PTPRR: variants seen among roughly 807,000 people sequenced by gnomAD.
PTPRR encodes receptor-type tyrosine-protein phosphatase R.
PTPRR carries 38 observed loss-of-function variants against 77.2 expected under a neutral mutation model. The observed-to-expected ratio is 0.49, with a 90% CI of 0.38 to 0.65. The LOEUF is 0.65. Ranked by LOEUF, PTPRR falls within the 30% of genes least tolerant of loss-of-function variation. The pLI is 0.00. For synonymous variants in PTPRR, 299 were observed against 283.1 expected (o/e 1.06, Z -0.57); for missense variants, 744 against 799.2 (o/e 0.93, Z 0.83).
intron 4 of PTPRR, among the ~76,000 whole-genome samples, chr12:70,760,182 C>T (rs1890660563): frequency 6.6e-6 from 1 of 152,132 alleles, no homozygotes; most frequent in Non-Finnish European, 1.5e-5. Context: ...AAATTCAATC[C>T]ATATTTCAAG....
Position 70,638,869 on chromosome 12 carries a change from T to A in PTPRR, c.*315A>T. ...CCTGATGACATTTATTACTGAATAT[T>A]ACATACATACATTCTGTGTGGCAGA... On this transcript the variant is annotated 3_prime_UTR_variant, in exon 14 of 14. Transcript: ENST00000283228. The A allele has an allele frequency of 3.8e-6, 1 of 265,220 alleles. No homozygotes were observed. The highest frequency in any genetic ancestry group is 7.6e-5 in the South Asian group (1 of 13,158). 16.4% of individuals were successfully genotyped at this position (265,220 alleles called of 1,614,324 possible). A position where few individuals can be genotyped will look rare whatever the true frequency, so the allele number is the denominator to read the frequency against.
chr12:70,744,690 T>A (rs1890156445), intron 6 of PTPRR, among the ~76,000 whole-genome samples: 1 of 152,184 alleles, frequency 6.6e-6, no homozygotes, highest in Non-Finnish European at 1.5e-5. Flanking sequence ...GGAAATATAT[T>A]CAAAATTTAT....
intron 13 of PTPRR, among the ~76,000 whole-genome samples, chr12:70,646,520 A>C (rs1471002953): frequency 1.3e-5 from 2 of 152,170 alleles, no homozygotes; most frequent in African/African-American, 4.8e-5. Flanking sequence ...TTAACACCTA[A>C]TTAACTCCAA....
intron 2 of PTPRR, among the ~76,000 whole-genome samples, chr12:70,882,466 C>G (rs1893165709): frequency 6.6e-6 from 1 of 152,100 alleles, no homozygotes; most frequent in East Asian, 1.9e-4. Flanking sequence ...CCTTATCATA[C>G]TAAACACTTT....
chr12:70,848,595 A>G (rs1892523685), intron 2 of PTPRR, among the ~76,000 whole-genome samples: 1 of 152,194 alleles, frequency 6.6e-6, no homozygotes, highest in Non-Finnish European at 1.5e-5. Context: ...AAGTGCTGGG[A>G]TTAGACATGA....
chr12:70,886,238 A>G (rs1893237427), intron 2 of PTPRR, among the ~76,000 whole-genome samples: 1 of 152,242 alleles, frequency 6.6e-6, no homozygotes, highest in African/African-American at 2.4e-5. Flanking sequence ...TTTCTACTTC[A>G]GGACTATTTT....
chr12:70,897,609 G>C (rs1893453824), intron 1 of PTPRR, among the ~76,000 whole-genome samples: 1 of 151,968 alleles, frequency 6.6e-6, no homozygotes, highest in Non-Finnish European at 1.5e-5. Context: ...ATTCCTCAGG[G>C]ATCTAGAACT....
At chr12:70,914,136 A>G (rs1893740576) in intron 1 of PTPRR, among the ~76,000 whole-genome samples, 1 of 152,144 alleles carries the variant, frequency 6.6e-6, no homozygotes, top group Non-Finnish European at 1.5e-5. Flanking sequence ...TAAAAAAAGG[A>G]GCAGAGTATT....
At chr12:70,734,093 T>C (rs1161918960) in intron 6 of PTPRR, among the ~76,000 whole-genome samples, 2 of 152,196 alleles carry the variant, frequency 1.3e-5, no homozygotes, top group Non-Finnish European at 2.9e-5. Flanking sequence ...AAGCAAAGCT[T>C]ATGCTGGGAA....
intron 6 of PTPRR, among the ~76,000 whole-genome samples, chr12:70,738,446 C>T (rs1889945280): frequency 6.6e-6 from 1 of 152,214 alleles, no homozygotes; most frequent in African/African-American, 2.4e-5. Flanking sequence ...GTGTGCCACT[C>T]TTCCTTCCTG....
chr12:70,640,117 A>T (rs1885942227), intron 13 of PTPRR, among the ~76,000 whole-genome samples: 1 of 152,158 alleles, frequency 6.6e-6, no homozygotes, highest in Non-Finnish European at 1.5e-5. Context: ...GCTTCTCATT[A>T]TGTTTTTATA....
chr12:70,809,490 CATT>C (rs1422562947), intron 2 of PTPRR, among the ~76,000 whole-genome samples: 19 of 152,140 alleles, frequency 1.2e-4, no homozygotes, highest in African/African-American at 4.6e-4. Flanking sequence ...TAAAAATATG[CATT>C]ATTAAGAACT....
At chr12:70,776,966 C>T (rs1332198440) in intron 2 of PTPRR, among the ~76,000 whole-genome samples, 2 of 152,102 alleles carry the variant, frequency 1.3e-5, no homozygotes, top group African/African-American at 2.4e-5. Context: ...GCCCTTCATC[C>T]TAATCCGCAG....
At chr12:70,684,045 T>G in intron 10 of PTPRR, 82 bp downstream of exon 10, 1 of 1,458,254 alleles carries the variant, frequency 6.9e-7, no homozygotes, top group Non-Finnish European at 9.3e-7. Context: ...TAAATCTAAG[T>G]CCATGGCAAT....
At position 70,892,690 on chromosome 12, in the gene PTPRR, C is replaced by T; in HGVS notation, c.346G>A (p.Val116Ile). The T allele has an allele frequency of 1.9e-6, 3 of 1,613,056 alleles. No individual in the cohort carries two copies. Among genetic ancestry groups the T allele is most frequent in the Non-Finnish European group, 2.5e-6 (3 of 1,179,222 alleles). ...AACATACTACTTACCACCACAATTA[C>T]ATTTGCTGCTGGGATTGGGAGATTT... ...VENLPIPAAN[V>I]IVVTLQMDVN... Residue 116 changes from valine to isoleucine, a missense_variant, in exon 2 of 14, where the codon GTA (valine) becomes ATA (isoleucine). Coordinates refer to ENST00000283228, the MANE Select transcript of PTPRR (RefSeq NM_002849.4).
chr12:70,869,291 T>G (rs1269296566), intron 2 of PTPRR, among the ~76,000 whole-genome samples: 1 of 152,164 alleles, frequency 6.6e-6, no homozygotes, highest in African/African-American at 2.4e-5. Context: ...CTGGTCCAGT[T>G]TGTGGTCTAT....
chr12:70,811,679 C>A (rs924051564), intron 2 of PTPRR, among the ~76,000 whole-genome samples: 1 of 152,082 alleles, frequency 6.6e-6, no homozygotes, highest in African/African-American at 2.4e-5. Context: ...TTTATTGAAC[C>A]TTTTGCATGT....
Position 70,682,369 on chromosome 12 carries a change from T to G in PTPRR, c.1497+1758A>C, listed in dbSNP as rs923355311. Among the ~76,000 whole-genome samples the G allele has an allele frequency of 5.9e-5, 9 of 152,178 alleles. No individual in the cohort carries two copies. The East Asian group carries it at 1.7e-3, about 29-fold the overall frequency. ...TTGTTCACTTTTTTACTGGAGGTGT[T>G]ACCTTTGAAGGTGCTCACTTTATGT... On this transcript the variant is annotated intron_variant, in intron 10 of 13. Transcript: ENST00000283228.
chr12:70,894,823 G>T (rs1893398973), intron 1 of PTPRR, among the ~76,000 whole-genome samples: 1 of 151,486 alleles, frequency 6.6e-6, no homozygotes, highest in Non-Finnish European at 1.5e-5. Context: ...ATTATTTAAG[G>T]GTCATCATTG....
Sources: gnomAD v4.1 joint callset for allele counts (sites outside exome capture counted in the v4.1 genomes callset) on GRCh38, gnomAD v4.1.1 for gene constraint, MANE v1.5 for transcripts, NCBI Gene and HGNC (gene_info 2026-07-23, HGNC 2026-07-21) for gene names.